MAP7D3: variants seen among roughly 807,000 people sequenced by gnomAD.
The protein encoded by MAP7D3 is MAP7 domain-containing protein 3.
A neutral mutation model predicts 62.2 loss-of-function variants in MAP7D3; 45 were observed. The ratio of observed to expected loss-of-function variants is 0.72; its 90% CI spans 0.57 to 0.93. The LOEUF is 0.93. Among genes scored for constraint, MAP7D3 ranks in the 40% least tolerant of loss-of-function variants. MAP7D3 has a pLI of 0.00. For missense variants in MAP7D3, 711 were observed against 683.1 expected (o/e 1.04, Z -0.45); for synonymous variants, 288 against 248.8 (o/e 1.16, Z -1.48).
chrX:136,251,627 A>T, upstream of MAP7D3: 1 of 727,053 alleles, frequency 1.4e-6, no homozygotes, highest in Middle Eastern at 7.5e-4. Flanking sequence ...CTGCATTGTG[A>T]GGACTAGCCA....
intron 4 of MAP7D3, among the ~76,000 whole-genome samples, chrX:136,242,181 A>G (rs1297945397): frequency 1.8e-5 from 2 of 112,695 alleles, no homozygotes; most frequent in African/African-American, 3.2e-5. Context: ...AAGTTGATAC[A>G]ATGGGCAACA....
intron 5 of MAP7D3, 44 bp from the exon 6 acceptor site, chrX:136,240,530 G>A: frequency 1.2e-6 from 1 of 865,731 alleles, no homozygotes; most frequent in Non-Finnish European, 1.7e-6. Flanking sequence ...TTTCAAGGAG[G>A]AAAGAATCAT....
Position 136,231,953 on chromosome X carries a change from G to C in MAP7D3, c.1004C>G (p.Thr335Arg), listed in dbSNP as rs369779481. 5.3e-5 allele frequency: 64 copies of C among 1,209,124 alleles called. 1 individual carries two copies. In the Middle Eastern group the frequency reaches 3.0e-3, roughly 56 times the overall value. The stretch of plus-strand genomic sequence containing the variant: ...CACGCTCACCACAGGGAATGAGTCC[G>C]TGCTCACCTCAGGGGCCATGCCCAC... Reference protein sequence around the residue: ...AGVGMAPEVSTDSFPVVSVDV... With the variant: ...AGVGMAPEVSRDSFPVVSVDV... The change falls in exon 8 of 19, where the codon ACG (threonine) becomes AGG (arginine). Residue 335 changes from threonine to arginine, a missense_variant. Physicochemically the swap from Thr to Arg is moderately conservative, Grantham distance 71. Transcript: ENST00000316077.
At position 136,224,768 on chromosome X, in the gene MAP7D3, G is replaced by A. The variant is rs750288270; in HGVS notation, c.2193+59C>T. ...CCAGATTGGGTAAAGTGAAAAACTC[G>A]GCAATAATGTGAAACAAGAGGCATT... is the stretch of plus-strand genomic sequence containing the variant. On this transcript the variant is annotated intron_variant, in intron 14 of 18. Transcript: ENST00000316077. The A allele has an allele frequency of 3.8e-5, 30 of 786,375 alleles. No homozygotes were observed. The African/African-American group carries it at 4.3e-4, about 11-fold the overall frequency. 64.8% of individuals were successfully genotyped at this position (786,375 alleles called of 1,213,427 possible).
intron 4 of MAP7D3, among the ~76,000 whole-genome samples, chrX:136,242,045 G>A (rs957555460): frequency 9.0e-6 from 1 of 110,822 alleles, no homozygotes. Context: ...AACAACAACC[G>A]TTTCATAGCA....
At chrX:136,256,197 C>G, upstream of MAP7D3, 2 of 1,132,800 alleles carry the variant, frequency 1.8e-6, no homozygotes, top group East Asian at 3.3e-5. Context: ...CTGTGATGCC[C>G]GGGAAGAGTG....
rs759306838 is a variant in MAP7D3 at position 136,246,264 on chromosome X, T to C, written c.148A>G (p.Ile50Val). 3 of 1,200,275 alleles carry C rather than the reference T, an allele frequency of 2.5e-6. No homozygotes were observed. Among genetic ancestry groups the C allele is most frequent in the Non-Finnish European group, 3.4e-6 (3 of 885,019 alleles). The change falls in exon 2 of 19, where the codon ATA becomes GTA. Residue 50 changes from isoleucine (I) to valine (V), a missense_variant. By Grantham distance (29) the Ile-to-Val change is conservative. Transcript: ENST00000316077. ...VNRVATHSSN[I>V]RSTFKPVIDG... ...ATACCTGGTTTAAATGTCGATCTTA[T>C]ATTTGAGGAATGGGTTGCAACACGA... is the stretch of plus-strand genomic sequence containing the variant.
chrX:136,232,329 G>A, intron 7 of MAP7D3, 109 bp from the exon 8 acceptor site: 1 of 527,532 alleles, frequency 1.9e-6, no homozygotes. Flanking sequence ...TTGTTTATTA[G>A]GAAAGCACAG....
chrX:136,228,559 T>C (rs2074224989), intron 11 of MAP7D3, 64 bp downstream of exon 11: 2 of 1,087,247 alleles, frequency 1.8e-6, no homozygotes, highest in East Asian at 6.6e-5. Context: ...GGTAAAATTT[T>C]GACTTTCAAA....
chrX:136,235,360 T>G (rs1485471696), intron 7 of MAP7D3, among the ~76,000 whole-genome samples: 1 of 112,332 alleles, frequency 8.9e-6, no homozygotes, highest in Non-Finnish European at 1.9e-5. Flanking sequence ...CTGAATCAAT[T>G]AGGTGGAAGG....
upstream of MAP7D3, among the ~76,000 whole-genome samples, chrX:136,255,745 C>T (rs1357145304): frequency 2.7e-5 from 3 of 111,046 alleles, no homozygotes; most frequent in African/African-American, 9.8e-5. Context: ...CTCCTCTCCT[C>T]TCCTCTCCTC....
At chrX:136,219,571 G>A (rs2074099310) in intron 17 of MAP7D3, 22 bp downstream of exon 17, 2 of 1,180,893 alleles carry the variant, frequency 1.7e-6, no homozygotes, top group African/African-American at 3.5e-5. Context: ...CAGATACGCT[G>A]CTGCTCATAA....
At chrX:136,227,490 A>G in intron 11 of MAP7D3, 59 bp from the exon 12 acceptor site, 1 of 897,084 alleles carries the variant, frequency 1.1e-6, no homozygotes, top group South Asian at 2.3e-5. Context: ...CTCAGCTTGC[A>G]CTAGTGAGTT....
At chrX:136,235,674 G>A (rs1333092240) in intron 7 of MAP7D3, among the ~76,000 whole-genome samples, 2 of 110,958 alleles carry the variant, frequency 1.8e-5, no homozygotes, top group Non-Finnish European at 3.8e-5. Flanking sequence ...GCTTGAACCC[G>A]GGAGGTGGAG....
intron 11 of MAP7D3, 71 bp from the exon 12 acceptor site, chrX:136,227,502 T>C (rs915900602): frequency 1.0e-4 from 80 of 773,097 alleles, no homozygotes; most frequent in Middle Eastern, 9.1e-4. Flanking sequence ...TAGTGAGTTT[T>C]TATAGTGAAA....
rs2074504722 is a variant in MAP7D3 at position 136,251,184 on chromosome X, A to G, written c.70+105T>C. ...AGATAGCACGAGGCGACTCCAGGGA[A>G]AAGTTTTGTGGCGCCCGCTGCGCCG... On this transcript the variant is annotated intron_variant, in intron 1 of 18. Coordinates refer to ENST00000316077, the MANE Select transcript of MAP7D3 (RefSeq NM_024597.4). 3.4e-5 allele frequency: 23 copies of G among 680,286 alleles called. No individual in the cohort carries two copies. In the South Asian group the frequency reaches 6.5e-4, roughly 19 times the overall value. 56.1% of individuals were successfully genotyped at this position (680,286 alleles called of 1,213,427 possible).
At chrX:136,241,948 A>G (rs767334855) in intron 4 of MAP7D3, among the ~76,000 whole-genome samples, 1 of 111,889 alleles carries the variant, frequency 8.9e-6, no homozygotes, top group African/African-American at 3.2e-5. Flanking sequence ...CTCTTCTCTC[A>G]AATATTTCTC....
intron 6 of MAP7D3, 49 bp from the exon 7 acceptor site, chrX:136,236,388 A>G (rs1201162063): frequency 1.4e-6 from 1 of 738,967 alleles, no homozygotes; most frequent in African/African-American, 2.1e-5. Flanking sequence ...ACTACTAATT[A>G]TCTCAGGAGT....
chrX:136,236,431 C>A, intron 6 of MAP7D3, 92 bp from the exon 7 acceptor site: 3 of 421,506 alleles, frequency 7.1e-6, no homozygotes, highest in Non-Finnish European at 1.2e-5. Flanking sequence ...TTTTTATGTT[C>A]TCTACCTTGC....
Sources: gnomAD v4.1 joint callset for allele counts (sites outside exome capture counted in the v4.1 genomes callset) on GRCh38, gnomAD v4.1.1 for gene constraint, MANE v1.5 for transcripts, NCBI Gene and HGNC (gene_info 2026-07-23, HGNC 2026-07-21) for gene names.